The following CAPN10 variants were observed in gnomAD, a reference collection of about 807,000 sequenced individuals.
CAPN10 encodes the protein calpain 10, also known as calpain-10.
A neutral mutation model predicts 78.4 loss-of-function variants in CAPN10; 71 were observed. That is an observed-to-expected ratio of 0.91 (90% CI 0.75 to 1.10). CAPN10 has a LOEUF of 1.10. Ranked by LOEUF, CAPN10 falls within the 50% of genes least tolerant of loss-of-function variation. CAPN10 has a pLI of 0.00. For missense variants in CAPN10, 849 were observed against 924.6 expected, an observed-to-expected ratio of 0.92 and a Z score of 1.06; for synonymous variants, 437 against 407.2, an observed-to-expected ratio of 1.07 and a Z score of -0.88.
At chr2:240,590,570 A>G (rs2093095105) in intron 2 of CAPN10, 1 of 487,582 alleles carries the variant, frequency 2.1e-6, no homozygotes, top group Admixed American at 3.5e-5. Context: ...TGTGCCGAAG[A>G]GTTCTCTGCG....
Position 240,598,801 on chromosome 2 carries a change from G to C in CAPN10, c.*121G>C, listed in dbSNP as rs2093153997. On this transcript the variant is annotated 3_prime_UTR_variant, in exon 12 of 12. Coordinates refer to ENST00000391984, the MANE Select transcript of CAPN10 (RefSeq NM_023083.4). ...GTCCTGAGTCTTGGCCTGCCTCCCA[G>C]CCCTGCCAGGAGGCTGCGGCCTAGG... The C allele has an allele frequency of 1.0e-6, 1 of 977,268 alleles. No homozygotes were observed. Among genetic ancestry groups the C allele is most frequent in the South Asian group, 1.4e-5 (1 of 70,480 alleles). 60.5% of individuals were successfully genotyped at this position (977,268 alleles called of 1,614,324 possible). A position where few individuals can be genotyped will look rare whatever the true frequency, so the allele number is the denominator to read the frequency against.
At chr2:240,589,769 G>A in intron 2 of CAPN10, 1 of 334,626 alleles carries the variant, frequency 3.0e-6, no homozygotes, top group Non-Finnish European at 5.5e-6. Context: ...TTAGAATAAA[G>A]AGACAAATGT....
intron 7 of CAPN10, 53 bp from the exon 8 acceptor site, chr2:240,596,266 G>A: frequency 6.5e-7 from 1 of 1,544,414 alleles, no homozygotes; most frequent in South Asian, 1.2e-5. Flanking sequence ...TCAAGGCCAG[G>A]GCGTCTGACC....
chr2:240,597,683 G>A (rs1305666460), intron 9 of CAPN10, among the ~76,000 whole-genome samples: 1 of 152,160 alleles, frequency 6.6e-6, no homozygotes, highest in Non-Finnish European at 1.5e-5. Context: ...AGGCCTCCAG[G>A]CGGGGGCCCC....
rs771884529 is a variant in CAPN10 at position 240,595,226 on chromosome 2, G to C, written c.1200G>C (p.Val400=). ...ADWAGRARAL[V]GDSHTSWSPA... ...GGGCAGGCCGGGCCCGGGCACTGGT[G>C]GGTGACAGTCATACTTCGTGGAGCC... The change falls in exon 7 of 12, where the codon GTG becomes GTC. Residue 400 remains valine (V), a synonymous_variant. Transcript: ENST00000391984. 1.2e-6 allele frequency: 2 copies of C among 1,613,648 alleles called. No homozygotes were observed. Among genetic ancestry groups the C allele is most frequent in the Admixed American group, 1.7e-5 (1 of 60,020 alleles).
intron 11 of CAPN10, 99 bp downstream of exon 11, chr2:240,598,496 G>A (rs1391338126): frequency 7.4e-6 from 11 of 1,488,090 alleles, no homozygotes; most frequent in Admixed American, 1.7e-5. Context: ...TGCCTGGGAC[G>A]TGAGGTGCCC....
In CAPN10 at chr2:240,590,894, G is replaced by A. The variant is rs368742220; in HGVS notation, c.353G>A (p.Arg118His). 3.7e-5 allele frequency: 59 copies of A among 1,614,084 alleles called. No homozygotes were observed. The highest frequency in any genetic ancestry group is 1.6e-4 in the Middle Eastern group (1 of 6,080). ...ACCTGTCGCATTTGGCAGTTTGGAC[G>A]CTGGGTGGAGGTGACCACAGATGAC... ...SFTCRIWQFG[R>H]WVEVTTDDRL... is the part of the protein sequence containing the mutation. The change falls in exon 3 of 12, where the codon CGC becomes CAC. Residue 118 changes from arginine (R) to histidine (H), a missense_variant. Coordinates refer to ENST00000391984, the MANE Select transcript of CAPN10 (RefSeq NM_023083.4).
intron 5 of CAPN10, 73 bp downstream of exon 5, chr2:240,594,120 A>T: frequency 7.0e-7 from 1 of 1,438,574 alleles, no homozygotes; most frequent in Non-Finnish European, 9.3e-7. Context: ...TGTCCTGGTC[A>T]CCTTCAGCTG....
intron 4 of CAPN10, 138 bp downstream of exon 4, chr2:240,592,288 A>G: frequency 1.3e-6 from 1 of 790,674 alleles, no homozygotes; most frequent in Admixed American, 2.2e-5. Context: ...CTTGTTCTCA[A>G]GGGTGGTGTC....
At chr2:240,592,854 T>C (rs566345855) in intron 4 of CAPN10, 32 of 180,346 alleles carry the variant, frequency 1.8e-4, no homozygotes, top group Non-Finnish European at 3.5e-4. Context: ...AAGATCTCTC[T>C]GGTTTTATAT....
At chr2:240,588,226 G>T (rs2093080338) in intron 1 of CAPN10, among the ~76,000 whole-genome samples, 1 of 152,074 alleles carries the variant, frequency 6.6e-6, no homozygotes, top group African/African-American at 2.4e-5. Flanking sequence ...CCTGGAGGCA[G>T]GTGGATCTGT....
chr2:240,596,971 G>A, intron 9 of CAPN10, 29 bp downstream of exon 9: 1 of 1,612,900 alleles, frequency 6.2e-7, no homozygotes, highest in Non-Finnish European at 8.5e-7. Context: ...GGAGGGAGGG[G>A]GAGCAGAAGG....
intron 1 of CAPN10, 29 bp downstream of exon 1, chr2:240,587,081 C>T: frequency 1.5e-6 from 2 of 1,341,054 alleles, no homozygotes; most frequent in Non-Finnish European, 9.6e-7. Context: ...CGGTGGGCGC[C>T]GTTTCTGGTT....
intron 5 of CAPN10, 145 bp downstream of exon 5, chr2:240,594,192 C>T (rs1365956457): frequency 3.4e-6 from 3 of 878,436 alleles, no homozygotes; most frequent in Non-Finnish European, 4.9e-6. Context: ...TGACACCATG[C>T]TTGTCTTGGC....
At chr2:240,594,890 G>GATTCTGTCCCAGGA (rs2093126718) in intron 6 of CAPN10, 134 bp from the exon 7 acceptor site, 26 of 529,876 alleles carry the variant, frequency 4.9e-5, no homozygotes, top group Non-Finnish European at 6.2e-5. Context: ...GAGGAGGGTG[G>GATTCTGTCCCAGGA]GCTTGTGGGA....
rs2093131292 is a variant in CAPN10, at chr2:240,595,510, G to C, written c.1278+206G>C. The C allele has an allele frequency of 2.1e-5, 13 of 620,242 alleles. 1 individual carries two copies. In the South Asian group the frequency reaches 2.6e-4, roughly 12 times the overall value. 38.4% of individuals were successfully genotyped at this position (620,242 alleles called of 1,614,324 possible). A position where few individuals can be genotyped will look rare whatever the true frequency, so the allele number is the denominator to read the frequency against. ...CTGACCTGAGACTGCAGGTCTTTCTGCCTTGCCGTGTGCCTCATTGGCCAA... is the reference window on the plus strand; with the variant it reads ...CTGACCTGAGACTGCAGGTCTTTCTCCCTTGCCGTGTGCCTCATTGGCCAA... On this transcript the variant is annotated intron_variant, in intron 7 of 11. Transcript: ENST00000391984.
Position 240,586,772 on chromosome 2 carries a change from G to A in CAPN10, c.-140G>A. 6.3e-6 allele frequency: 5 copies of A among 798,032 alleles called. No homozygotes were observed. Among genetic ancestry groups the A allele is most frequent in the Non-Finnish European group, 8.6e-6 (5 of 581,328 alleles). 49.4% of individuals were successfully genotyped at this position (798,032 alleles called of 1,614,324 possible). ...GGCGTACTGGCCTGGTCCAGCACCT[G>A]CGGGGCCCTCGGGCTTGGAGGGCTG... On this transcript the variant is annotated 5_prime_UTR_variant, in exon 1 of 12. Coordinates refer to ENST00000391984, the MANE Select transcript of CAPN10 (RefSeq NM_023083.4).
intron 8 of CAPN10, 70 bp from the exon 9 acceptor site, chr2:240,596,611 G>A: frequency 6.5e-7 from 1 of 1,533,122 alleles, no homozygotes; most frequent in South Asian, 1.3e-5. Flanking sequence ...TGGTTGGCAG[G>A]TGTCCATGTG....
chr2:240,589,393 G>T lies in CAPN10; in HGVS notation c.192G>T (p.Gln64His), dbSNP rs767047251. 2 of 1,614,170 alleles carry T rather than the reference G, an allele frequency of 1.2e-6. No homozygotes were observed. The highest frequency in any genetic ancestry group is 1.7e-6 in the Non-Finnish European group (2 of 1,180,032). The change falls in exon 2 of 12, where the codon CAG becomes CAT. Residue 64 changes from glutamine to histidine, a missense_variant. By Grantham distance (24) the Gln-to-His change is conservative. Transcript: ENST00000391984. ...RLFPDDPREG[Q>H]VKQGLLGDCW... ...TTCCAGATGACCCACGGGAAGGGCA[G>T]GTGAAGCAGGGGCTGCTGGGGGATT... is the stretch of plus-strand genomic sequence containing the variant.
Sources: allele counts gnomAD v4.1 joint callset (sites outside exome capture counted in the v4.1 genomes callset), GRCh38; gene constraint gnomAD v4.1.1; transcripts MANE v1.5; gene names NCBI Gene and HGNC (gene_info 2026-07-23, HGNC 2026-07-21).